The following MIER2 variants were observed in gnomAD, a reference collection of about 807,000 sequenced individuals.
MIER2 encodes the protein mesoderm induction early response protein 2.
MIER2 carries 30 observed loss-of-function variants against 67.6 expected under a neutral mutation model. The observed-to-expected ratio is 0.44, with a 90% CI of 0.33 to 0.60. The LOEUF (loss-of-function observed/expected upper bound fraction) is 0.60, where lower values mean the gene tolerates loss of function less well. Ranked by LOEUF, MIER2 falls within the 20% of genes least tolerant of loss-of-function variation. The pLI is 0.02. For synonymous variants in MIER2, 372 were observed against 312.6 expected (o/e 1.19, Z -2.00); for missense variants, 702 against 745.1 (o/e 0.94, Z 0.67).
chr19:311,440 T>A (rs1970994632), intron 10 of MIER2, among the ~76,000 whole-genome samples: 4 of 152,130 alleles, frequency 2.6e-5, no homozygotes, highest in Admixed American at 2.0e-4. Context: ...AGGACCTGGG[T>A]CCCTGGAGGA....
intron 3 of MIER2, among the ~76,000 whole-genome samples, chr19:331,101 G>A (rs1214669540): frequency 6.6e-6 from 1 of 152,122 alleles, no homozygotes; most frequent in East Asian, 1.9e-4. Flanking sequence ...GCTCATGCCT[G>A]TAATCCAAGC....
intron 3 of MIER2, among the ~76,000 whole-genome samples, chr19:331,530 G>A (rs2145505080): frequency 6.6e-6 from 1 of 152,214 alleles, no homozygotes; most frequent in East Asian, 1.9e-4. Flanking sequence ...TTGGTGAGGT[G>A]TGGTGGCGTG....
At chr19:329,741 C>G (rs1156935847) in intron 3 of MIER2, among the ~76,000 whole-genome samples, 1 of 151,846 alleles carries the variant, frequency 6.6e-6, no homozygotes, top group East Asian at 1.9e-4. Flanking sequence ...CAAAAATTAG[C>G]TGGGGATGGT....
Position 327,976 on chromosome 19 carries a change from G to T in MIER2, c.257C>A (p.Pro86His). The change falls in exon 4 of 14, where the codon CCC becomes CAC. Residue 86 changes from proline (P) to histidine (H), a missense_variant. Transcript: ENST00000264819. ...ATAGAGCGCAAGCAGCTCATCAAAG[G>T]GCATGTCGTTGCTCTGAGTTGGGGA... ...KDFISQSNDM[P>H]FDELLALYGY... is the part of the protein sequence containing the mutation. 6.2e-7 allele frequency: 1 copy of T among 1,613,114 alleles called. No individual in the cohort carries two copies.
chr19:318,113 A>G (rs1971338950), intron 7 of MIER2, among the ~76,000 whole-genome samples: 1 of 152,216 alleles, frequency 6.6e-6, no homozygotes, highest in African/African-American at 2.4e-5. Flanking sequence ...CAGAGGGGGA[A>G]GAATTGCTTG....
chr19:327,140 C>T lies in MIER2; in HGVS notation c.486G>A (p.Arg162=), dbSNP rs1971795107. The T allele has an allele frequency of 1.3e-6, 2 of 1,582,024 alleles. No homozygotes were observed. Among genetic ancestry groups the T allele is most frequent in the African/African-American group, 2.8e-5 (2 of 72,118 alleles). The change falls in exon 5 of 14, where the codon CGG becomes CGA. Residue 162 remains arginine, a synonymous_variant. Transcript: ENST00000264819. ...GGGGACAGAGTCACCTACATCCACTCCGGTTAGGGAAGAGGTCGGAGGCCT... is the reference window on the plus strand; with the variant it reads ...GGGGACAGAGTCACCTACATCCACTTCGGTTAGGGAAGAGGTCGGAGGCCT... ...SHEASDLFPN[R]SGSRFLADED...
chr19:344,444 G>A, intron 1 of MIER2: 1 of 937,210 alleles, frequency 1.1e-6, no homozygotes, highest in Admixed American at 6.2e-5. Context: ...CTGGAACGGA[G>A]CCGCGCGCCC....
rs145745197 is a variant in MIER2, at chr19:325,319, C to T, written c.655+316G>A. The stretch of plus-strand genomic sequence containing the variant: ...CCCGGCACAGAGCCATCGAATGCAG[C>T]GGCCCAGGCTGTGGGGAGGCGGCTG... On this transcript the variant is annotated intron_variant, in intron 7 of 13. Transcript: ENST00000264819. Among the ~76,000 whole-genome samples the T allele has an allele frequency of 5.3e-3, 810 of 152,314 alleles. 9 individuals are homozygous for T. The highest frequency in any genetic ancestry group is 0.018 in the African/African-American group (760 of 41,576).
At chr19:341,565 T>C (rs1411506379) in intron 1 of MIER2, among the ~76,000 whole-genome samples, 3 of 152,112 alleles carry the variant, frequency 2.0e-5, no homozygotes, top group Non-Finnish European at 4.4e-5. Context: ...ATGGATCTTC[T>C]TCCTCCCGCT....
chr19:314,543 G>A (rs773334036), intron 7 of MIER2, among the ~76,000 whole-genome samples: 22 of 152,112 alleles, frequency 1.4e-4, no homozygotes, highest in Non-Finnish European at 2.5e-4. Context: ...AGCTCCACAC[G>A]GGAGTCTCCA....
chr19:320,141 G>A (rs1458269019), intron 7 of MIER2, among the ~76,000 whole-genome samples: 1 of 152,092 alleles, frequency 6.6e-6, no homozygotes, highest in African/African-American at 2.4e-5. Flanking sequence ...CTGGGGGGCT[G>A]AGGCGGACAG....
At chr19:340,094 G>A (rs1972435501) in intron 1 of MIER2, among the ~76,000 whole-genome samples, 1 of 152,190 alleles carries the variant, frequency 6.6e-6, no homozygotes, top group African/African-American at 2.4e-5. Flanking sequence ...AAACCTCACA[G>A]GTGGTATAAT....
intron 1 of MIER2, among the ~76,000 whole-genome samples, chr19:341,732 G>C (rs903923721): frequency 1.3e-5 from 2 of 152,158 alleles, no homozygotes; most frequent in African/African-American, 4.8e-5. Flanking sequence ...GAAAAAGAGG[G>C]GGAGCAGGCC....
chr19:338,170 CAAAAAAAAAAAAAAA>C (rs34351754), intron 1 of MIER2, among the ~76,000 whole-genome samples: 1,529 of 77,112 alleles, frequency 0.02, 32 homozygotes, highest in Middle Eastern at 0.028. Flanking sequence ...GACTCCATCT[CAAAAAAAAAAAAAAA>C]AAAAAAAAAA....
intron 7 of MIER2, among the ~76,000 whole-genome samples, chr19:325,098 C>T (rs2145459731): frequency 6.6e-6 from 1 of 152,350 alleles, no homozygotes; most frequent in African/African-American, 2.4e-5. Flanking sequence ...CCTGCAAGGG[C>T]TCCAGGGCAA....
chr19:313,343 T>G, intron 8 of MIER2, 149 bp downstream of exon 8: 2 of 1,293,562 alleles, frequency 1.5e-6, no homozygotes, highest in Non-Finnish European at 2.1e-6. Flanking sequence ...CCTTCTGACC[T>G]GAGTAGCTGT....
Position 317,334 on chromosome 19 carries a change from G to A in MIER2, c.656-3691C>T, listed in dbSNP as rs371305610. 1.8e-4 allele frequency among the ~76,000 whole-genome samples: 28 copies of A among 151,822 alleles called. 1 individual carries two copies. The highest frequency in any genetic ancestry group is 1.3e-3 in the Admixed American group (20 of 15,224). On this transcript the variant is annotated intron_variant, in intron 7 of 13. Coordinates refer to ENST00000264819, the MANE Select transcript of MIER2 (RefSeq NM_017550.3). ...CGAGGTCAGGAGATCGAGACCACCC[G>A]GGCTAACACGGTGAAACCTCGTCTC...
chr19:338,582 A>G (rs1284494900), intron 1 of MIER2, among the ~76,000 whole-genome samples: 1 of 102,578 alleles, frequency 9.7e-6, no homozygotes, highest in East Asian at 2.0e-4. Flanking sequence ...AGCCGATTTC[A>G]AAAGCATATG....
intron 3 of MIER2, among the ~76,000 whole-genome samples, chr19:330,629 A>G (rs1394658124): frequency 6.6e-6 from 1 of 152,032 alleles, no homozygotes; most frequent in African/African-American, 2.4e-5. Flanking sequence ...AAGCCCCAAC[A>G]TGACTATATT....
Sources: allele counts gnomAD v4.1 joint callset (sites outside exome capture counted in the v4.1 genomes callset), GRCh38; gene constraint gnomAD v4.1.1; transcripts MANE v1.5; gene names NCBI Gene and HGNC (gene_info 2026-07-23, HGNC 2026-07-21).